The following BRCA2 variants were observed in gnomAD, a reference collection of about 807,000 sequenced individuals.
BRCA2 encodes the protein BRCA2 DNA repair associated.
A neutral mutation model predicts 276.7 loss-of-function variants in BRCA2; 203 were observed. The ratio of observed to expected loss-of-function variants is 0.73; its 90% CI spans 0.65 to 0.82. The LOEUF (loss-of-function observed/expected upper bound fraction) is 0.82. BRCA2 is among the 40% of genes least tolerant of loss of function. BRCA2 has a pLI of 0.00. For missense variants in BRCA2, 3,920 were observed against 3,915.0 expected (o/e 1.00, Z -0.03); for synonymous variants, 1,289 against 1,338.4 (o/e 0.96, Z 0.81).
intron 9 of BRCA2, 29 bp downstream of exon 9, chr13:32,331,059 GTTT>G (rs772809823): frequency 6.7e-7 from 1 of 1,492,206 alleles, no homozygotes; most frequent in African/African-American, 1.4e-5. Context: ...TGAACTACAG[GTTT>G]TTTTGTTGTT....
At chr13:32,316,658 A>T (rs2072263861) in intron 2 of BRCA2, 131 bp downstream of exon 2, 1 of 783,726 alleles carries the variant, frequency 1.3e-6, no homozygotes, top group African/African-American at 1.8e-5. Context: ...GTATAAATCC[A>T]GTTAACAACA....
intron 18 of BRCA2, among the ~76,000 whole-genome samples, chr13:32,368,134 C>T (rs540884897): frequency 1.9e-4 from 29 of 148,918 alleles, no homozygotes; most frequent in Non-Finnish European, 2.4e-4. Context: ...ATTCTCCTGC[C>T]TCAGCCTCCT....
rs752179294 is a variant in BRCA2 at position 32,370,988 on chromosome 13, A to C, written c.8520A>C (p.Ile2840=). ...WMEKTSSGLY[I]FRNEREEEKE... ...AGAAGACATCATCTGGATTATACAT[A>C]TTTCGCAATGAAAGAGAGGAAGAAA... is the stretch of plus-strand genomic sequence containing the variant. The change falls in exon 20 of 27, where the codon ATA becomes ATC. Residue 2840 remains isoleucine (I), a synonymous_variant. Transcript: ENST00000380152. The C allele has an allele frequency of 1.2e-6, 2 of 1,614,144 alleles. No individual in the cohort carries two copies. The highest frequency in any genetic ancestry group is 2.2e-5 in the South Asian group (2 of 91,082).
intron 3 of BRCA2, among the ~76,000 whole-genome samples, chr13:32,323,151 A>T (rs1281644174): frequency 2.3e-3 from 307 of 135,858 alleles, no homozygotes; most frequent in Non-Finnish European, 2.8e-3. Context: ...GTTTTATTTA[A>T]TTTTTTTTTT....
chr13:32,366,059 AT>A (rs1448738450), intron 18 of BRCA2, among the ~76,000 whole-genome samples: 1 of 151,960 alleles, frequency 6.6e-6, no homozygotes, highest in Non-Finnish European at 1.5e-5. Context: ...GTCTTTAAAT[AT>A]TTTTACATAA....
chr13:32,360,636 G>A (rs962007193), intron 16 of BRCA2, among the ~76,000 whole-genome samples: 2 of 152,204 alleles, frequency 1.3e-5, no homozygotes, highest in East Asian at 3.8e-4. Context: ...GGAATTACAG[G>A]TGTGAGCCAC....
Position 32,371,998 on chromosome 13 carries a change from T to C in BRCA2, c.8632+898T>C, listed in dbSNP as rs536844059. Among the ~76,000 whole-genome samples, 377 of 152,370 alleles carry C rather than the reference T, an allele frequency of 2.5e-3. 3 individuals carry two copies. Among genetic ancestry groups the C allele is most frequent in the Non-Finnish European group, 3.8e-3 (260 of 68,032 alleles). The stretch of plus-strand genomic sequence containing the variant: ...AGGATCTTTCCTCAATGTTGATGCC[T>C]GCTGAGTGATCAGAGTGGTAGTTGG... On this transcript the variant is annotated intron_variant, in intron 20 of 26. Coordinates refer to ENST00000380152, the MANE Select transcript of BRCA2 (RefSeq NM_000059.4).
At chr13:32,391,375 G>A (rs998241842) in intron 24 of BRCA2, among the ~76,000 whole-genome samples, 5 of 152,230 alleles carry the variant, frequency 3.3e-5, no homozygotes, top group African/African-American at 1.2e-4. Context: ...TGGCCCTTCA[G>A]AGTCTTGCTA....
intron 18 of BRCA2, 72 bp from the exon 19 acceptor site, chr13:32,370,330 C>T (rs2137595898): frequency 6.9e-7 from 1 of 1,445,010 alleles, no homozygotes; most frequent in South Asian, 1.2e-5. Flanking sequence ...AGAATGAAAA[C>T]TCTTATGATA....
intron 2 of BRCA2, among the ~76,000 whole-genome samples, chr13:32,317,701 G>A (rs1019904782): frequency 6.6e-6 from 1 of 152,186 alleles, no homozygotes; most frequent in African/African-American, 2.4e-5. Flanking sequence ...TTAAGATTGG[G>A]TAGAAATGAG....
Position 32,338,631 on chromosome 13 carries a change from A to G in BRCA2, c.4276A>G (p.Thr1426Ala), listed in dbSNP as rs876659380. ...TATAAAAGATTTTGAGACTTCTGAT[A>G]CATTTTTTCAGACTGCAAGTGGGAA... Reference protein sequence around the residue: ...QNIKDFETSDTFFQTASGKNI... With the variant: ...QNIKDFETSDAFFQTASGKNI... Residue 1426 changes from threonine to alanine, a missense_variant, in exon 11 of 27, where the codon ACA (threonine) becomes GCA (alanine). Transcript: ENST00000380152. 1.3e-6 allele frequency: 2 copies of G among 1,598,568 alleles called. No individual in the cohort carries two copies. Among genetic ancestry groups the G allele is most frequent in the African/African-American group, 1.3e-5 (1 of 74,500 alleles).
At position 32,371,026 on chromosome 13, in the gene BRCA2, A is replaced by G. The variant is rs768560674; in HGVS notation, c.8558A>G (p.Lys2853Arg). 1 of 1,614,082 alleles carries G rather than the reference A, an allele frequency of 6.2e-7. No individual in the cohort carries two copies. The part of the protein sequence containing the change: ...NEREEEKEAA[K>R]YVEAQQKRLE... ...AGAGAGGAAGAAAAGGAAGCAGCAA[A>G]ATATGTGGAGGCCCAACAAAAGAGA... Residue 2853 changes from lysine (K) to arginine (R), a missense_variant, in exon 20 of 27, where the codon AAA (lysine) becomes AGA (arginine). Physicochemically the swap from Lys to Arg is conservative, Grantham distance 26. Transcript: ENST00000380152.
At chr13:32,344,712 C>A in intron 12 of BRCA2, 59 bp downstream of exon 12, 1 of 1,251,170 alleles carries the variant, frequency 8.0e-7, no homozygotes, top group Non-Finnish European at 1.2e-6. Context: ...ATATAATATT[C>A]TGACCTCAGG....
At position 32,355,190 on chromosome 13, in the gene BRCA2, A is replaced by C; in HGVS notation, c.7337A>C (p.Lys2446Thr). 6.2e-7 allele frequency: 1 copy of C among 1,613,866 alleles called. No homozygotes were observed. Among genetic ancestry groups the C allele is most frequent in the Non-Finnish European group, 8.5e-7 (1 of 1,179,794 alleles). ...GATGGACATGGCTCTGATGATAGTA[A>C]AAATAAGATTAATGACAATGAGATT... ...NIDGHGSDDS[K>T]NKINDNEIHQ... The change falls in exon 14 of 27, where the codon AAA becomes ACA. Residue 2446 changes from lysine to threonine, a missense_variant. Around this residue, in one of 2 missense-constraint regions of BRCA2, gnomAD observed 3,263 missense variants for 3,156.9 expected, o/e 1.03. Transcript: ENST00000380152.
At chr13:32,368,887 T>C (rs1385918521) in intron 18 of BRCA2, among the ~76,000 whole-genome samples, 1 of 151,224 alleles carries the variant, frequency 6.6e-6, no homozygotes, top group African/African-American at 2.4e-5. Flanking sequence ...CTCGGCTCAC[T>C]GCAACCTCCA....
intron 26 of BRCA2, 103 bp downstream of exon 26, chr13:32,397,147 A>T: frequency 7.6e-7 from 1 of 1,317,638 alleles, no homozygotes; most frequent in Non-Finnish European, 1.1e-6. Flanking sequence ...AATTAAACTT[A>T]ATTAGAAAAT....
chr13:32,358,001 T>C (rs370300627), intron 16 of BRCA2, 72 bp downstream of exon 16: 2 of 1,533,640 alleles, frequency 1.3e-6, no homozygotes, highest in South Asian at 1.1e-5. Flanking sequence ...CTTAACTGTC[T>C]CTCGAACTAA....
chr13:32,359,222 G>GAAAAAAAAAAAAA (rs67041705), intron 16 of BRCA2, among the ~76,000 whole-genome samples: 2 of 107,382 alleles, frequency 1.9e-5, no homozygotes, highest in Non-Finnish European at 3.6e-5. Context: ...TCCATCTCAA[G>GAAAAAAAAAAAAA]AAAAAAAAAA....
chr13:32,395,049 G>C, intron 25 of BRCA2, 116 bp downstream of exon 25: 1 of 1,424,092 alleles, frequency 7.0e-7, no homozygotes, highest in South Asian at 1.2e-5. Context: ...GTGAGGTAAA[G>C]TTTAATCATA....
Sources: gnomAD v4.1 joint callset for allele counts (sites outside exome capture counted in the v4.1 genomes callset) on GRCh38, gnomAD v4.1.1 for gene constraint, gnomAD v4.1.1 regional missense constraint, MANE v1.5 for transcripts, NCBI Gene and HGNC (gene_info 2026-07-23, HGNC 2026-07-21) for gene names.